The following UBE2E3 variants were observed in gnomAD, a reference collection of about 807,000 sequenced individuals.
The protein encoded by UBE2E3 is ubiquitin conjugating enzyme E2 E3.
In UBE2E3, 5 loss-of-function variants were observed where a neutral mutation model predicts 23.6. That is an observed-to-expected ratio of 0.21 (90% CI 0.11 to 0.44). UBE2E3 has a LOEUF of 0.44. Among genes scored for constraint, UBE2E3 ranks in the 20% least tolerant of loss-of-function variants. The pLI is 0.99. For missense variants in UBE2E3, 81 were observed against 249.8 expected (o/e 0.32, Z 4.55); for synonymous variants, 78 against 87.5 (o/e 0.89, Z 0.60).
At chr2:181,019,920 G>A (rs1685621119) in intron 3 of UBE2E3, among the ~76,000 whole-genome samples, 1 of 151,986 alleles carries the variant, frequency 6.6e-6, no homozygotes, top group South Asian at 2.1e-4. Context: ...CTGTAGACAC[G>A]TTGCTGTACA....
At chr2:181,040,405 CATAAA>C (rs1284792526) in intron 3 of UBE2E3, among the ~76,000 whole-genome samples, 4 of 152,098 alleles carry the variant, frequency 2.6e-5, no homozygotes, top group African/African-American at 9.7e-5. Context: ...TTATGATGTA[CATAAA>C]ATAAATATTA....
intron 3 of UBE2E3, 97 bp from the exon 4 acceptor site, chr2:181,057,596 T>C (rs1687024103): frequency 1.0e-6 from 1 of 1,002,202 alleles, no homozygotes; most frequent in African/African-American, 1.6e-5. Flanking sequence ...CTTATTGCTC[T>C]AGATTGCTAA....
At chr2:181,034,589 A>G (rs181164477) in intron 3 of UBE2E3, among the ~76,000 whole-genome samples, 131 of 152,326 alleles carry the variant, frequency 8.6e-4, no homozygotes, top group East Asian at 2.7e-3. Context: ...TGACAAGTTA[A>G]TGGGTGCAGC....
In UBE2E3 at chr2:181,062,779, C is replaced by T. The variant is rs1687197783; in HGVS notation, c.527-12C>T. ...CACAAAATAGCTTTTAATGTTCTTT[C>T]TGCTTTTCCAGCGGATCCTCTGGTT... On this transcript the variant is annotated splice_polypyrimidine_tract_variant and intron_variant, in intron 5 of 5. Transcript: ENST00000410062. The T allele has an allele frequency of 6.4e-7, 1 of 1,565,630 alleles. No homozygotes were observed. Among genetic ancestry groups the T allele is most frequent in the African/African-American group, 1.4e-5 (1 of 73,512 alleles).
chr2:181,057,303 C>T (rs1293954975), intron 3 of UBE2E3, among the ~76,000 whole-genome samples: 1 of 151,744 alleles, frequency 6.6e-6, no homozygotes, highest in African/African-American at 2.4e-5. Flanking sequence ...AGGAAATGCA[C>T]ACTGACATGT....
At chr2:181,015,295 A>G (rs1685451892) in intron 3 of UBE2E3, among the ~76,000 whole-genome samples, 1 of 152,204 alleles carries the variant, frequency 6.6e-6, no homozygotes, top group African/African-American at 2.4e-5. Context: ...AGGACATTTT[A>G]AAATGAGGGC....
intron 3 of UBE2E3, among the ~76,000 whole-genome samples, chr2:181,012,394 A>G (rs568028852): frequency 1.1e-4 from 16 of 152,122 alleles, no homozygotes; most frequent in Non-Finnish European, 4.4e-5. Flanking sequence ...ATAGTTTGCT[A>G]TGTATTTTAG....
intron 3 of UBE2E3, among the ~76,000 whole-genome samples, chr2:181,044,763 C>T (rs1356608831): frequency 6.6e-6 from 1 of 152,098 alleles, no homozygotes; most frequent in Non-Finnish European, 1.5e-5. Flanking sequence ...TTACATTAAT[C>T]ACTATGTTAA....
intron 3 of UBE2E3, among the ~76,000 whole-genome samples, chr2:181,051,538 GCTC>G (rs1012245490): frequency 6.6e-6 from 1 of 151,604 alleles, no homozygotes; most frequent in Admixed American, 6.6e-5. Context: ...TAATTTAAGG[GCTC>G]CTCTTTCTAA....
chr2:181,060,327 TTC>T (rs937927255), intron 4 of UBE2E3, among the ~76,000 whole-genome samples: 66 of 151,856 alleles, frequency 4.3e-4, no homozygotes, highest in African/African-American at 1.5e-3. Context: ...CTTCCTCACT[TTC>T]TGTCTTTCTG....
rs781085345 is a variant in UBE2E3 at position 181,062,924 on chromosome 2, G to A, written c.*36G>A. The A allele has an allele frequency of 6.8e-6, 9 of 1,328,360 alleles. No individual in the cohort carries two copies. The Admixed American group carries it at 1.4e-4, about 21-fold the overall frequency. 82.3% of individuals were successfully genotyped at this position (1,328,360 alleles called of 1,614,324 possible). A position where few individuals can be genotyped will look rare whatever the true frequency, so the allele number is the denominator to read the frequency against. On this transcript the variant is annotated 3_prime_UTR_variant, in exon 6 of 6. Transcript: ENST00000410062. ...TTGTATGCAGTGTGAAGGAGCAGAAGGCATCTTCTCACTGTGCTGCAAATC... is the reference window on the plus strand; with the variant it reads ...TTGTATGCAGTGTGAAGGAGCAGAAAGCATCTTCTCACTGTGCTGCAAATC...
intron 3 of UBE2E3, among the ~76,000 whole-genome samples, chr2:180,997,672 T>A (rs922245477): frequency 5.9e-5 from 9 of 152,120 alleles, no homozygotes; most frequent in Non-Finnish European, 1.2e-4. Context: ...TCTTTATTTT[T>A]ATCTTATCTT....
chr2:181,050,913 C>T (rs1240764324), intron 3 of UBE2E3, among the ~76,000 whole-genome samples: 3 of 151,906 alleles, frequency 2.0e-5, no homozygotes, highest in East Asian at 3.9e-4. Context: ...CTTGTTTCAA[C>T]GTACAGTAAT....
chr2:181,030,887 G>T (rs1686056605), intron 3 of UBE2E3, among the ~76,000 whole-genome samples: 1 of 151,800 alleles, frequency 6.6e-6, no homozygotes, highest in African/African-American at 2.4e-5. Context: ...TGTTTTATTA[G>T]TCTTGACCCA....
chr2:180,993,839 CAGT>C (rs1424713660), intron 3 of UBE2E3, among the ~76,000 whole-genome samples: 1 of 152,106 alleles, frequency 6.6e-6, no homozygotes, highest in Non-Finnish European at 1.5e-5. Context: ...TTAATTTAAA[CAGT>C]AGCAACAGCA....
At position 180,982,168 on chromosome 2, in the gene UBE2E3, C is replaced by T. The variant is rs758099154; in HGVS notation, c.126C>T (p.Ala42=). 6.2e-7 allele frequency: 1 copy of T among 1,612,570 alleles called. No homozygotes were observed. The highest frequency in any genetic ancestry group is 8.5e-7 in the Non-Finnish European group (1 of 1,179,244). ...AACAAGAGGAAAGAAAACCTTCTGC[C>T]ACCCAGCAGAAGAAAAACACCAAAC... ...PEEQEERKPS[A]TQQKKNTKLS... The change falls in exon 2 of 6, where the codon GCC becomes GCT. Residue 42 remains alanine, a synonymous_variant. Transcript: ENST00000410062.
At chr2:180,996,330 A>G (rs1461307628) in intron 3 of UBE2E3, among the ~76,000 whole-genome samples, 1 of 152,208 alleles carries the variant, frequency 6.6e-6, no homozygotes, top group African/African-American at 2.4e-5. Flanking sequence ...AAGTCTTGGC[A>G]TTAGGAGAAC....
chr2:181,042,519 G>A (rs1306987692), intron 3 of UBE2E3, among the ~76,000 whole-genome samples: 3 of 152,170 alleles, frequency 2.0e-5, no homozygotes, highest in African/African-American at 7.2e-5. Context: ...CATCAGGGAG[G>A]TAGGAAGAAA....
At chr2:181,041,032 G>C (rs183475244) in intron 3 of UBE2E3, among the ~76,000 whole-genome samples, 1 of 151,906 alleles carries the variant, frequency 6.6e-6, no homozygotes, top group South Asian at 2.1e-4. Flanking sequence ...GGCGAATCAC[G>C]AGGTCAGGAG....
Sources: gnomAD v4.1 joint callset for allele counts (sites outside exome capture counted in the v4.1 genomes callset) on GRCh38, gnomAD v4.1.1 for gene constraint, MANE v1.5 for transcripts, NCBI Gene and HGNC (gene_info 2026-07-23, HGNC 2026-07-21) for gene names.